Variants in VWA3B observed in about 807,000 individuals in gnomAD.
The protein encoded by VWA3B is von Willebrand factor A domain-containing protein 3B.
A neutral mutation model predicts 158.3 loss-of-function variants in VWA3B; 138 were observed. That is an observed-to-expected ratio of 0.87 (90% CI 0.76 to 1.00). The LOEUF (loss-of-function observed/expected upper bound fraction) is 1.00, where lower values mean the gene tolerates loss of function less well. Ranked by LOEUF, VWA3B falls within the 50% of genes least tolerant of loss-of-function variation. The pLI is 0.00. For missense variants in VWA3B, 1,555 were observed against 1,565.1 expected (o/e 0.99, Z 0.11); for synonymous variants, 596 against 587.3 (o/e 1.01, Z -0.21).
intron 7 of VWA3B, among the ~76,000 whole-genome samples, chr2:98,146,549 C>G (rs1286121671): frequency 6.6e-6 from 1 of 152,176 alleles, no homozygotes; most frequent in Non-Finnish European, 1.5e-5. Flanking sequence ...CATTGAGGTT[C>G]TAGCATCCAG....
intron 21 of VWA3B, among the ~76,000 whole-genome samples, chr2:98,256,576 T>G (rs1364264298): frequency 6.6e-6 from 1 of 152,240 alleles, no homozygotes; most frequent in Non-Finnish European, 1.5e-5. Flanking sequence ...CACGTTTGTC[T>G]GTCCATTCTT....
chr2:98,214,883 A>G (rs1683842928), intron 13 of VWA3B, among the ~76,000 whole-genome samples: 1 of 152,172 alleles, frequency 6.6e-6, no homozygotes, highest in South Asian at 2.1e-4. Flanking sequence ...AATTCTGAGA[A>G]GTGGACTCAG....
chr2:98,267,713 G>A (rs1027093133), intron 21 of VWA3B, among the ~76,000 whole-genome samples: 1 of 151,964 alleles, frequency 6.6e-6, no homozygotes, highest in South Asian at 2.1e-4. Context: ...AGGAAATAGA[G>A]ACACAAAAAA....
chr2:98,212,966 A>G (rs752846866), intron 13 of VWA3B, among the ~76,000 whole-genome samples: 2 of 152,144 alleles, frequency 1.3e-5, no homozygotes, highest in African/African-American at 4.8e-5. Context: ...AATGTGCTAG[A>G]TGTATACAGT....
At chr2:98,177,121 G>A (rs1037944494) in intron 8 of VWA3B, among the ~76,000 whole-genome samples, 3 of 152,186 alleles carry the variant, frequency 2.0e-5, no homozygotes, top group Non-Finnish European at 4.4e-5. Flanking sequence ...AGTGGGCACT[G>A]ATACCTATGC....
intron 12 of VWA3B, among the ~76,000 whole-genome samples, chr2:98,208,209 A>G (rs1401791622): frequency 1.3e-5 from 2 of 151,964 alleles, no homozygotes; most frequent in East Asian, 3.8e-4. Context: ...TATTTGCGTA[A>G]TACGTTTTTT....
chr2:98,279,040 C>T lies in VWA3B; in HGVS notation c.3045+8157C>T, dbSNP rs557503403. ...TGGAAGTGGGACCCCTGATGGGCCTCCAGGGCATGTGGCCAGAGTGAAGCT... is the reference window on the plus strand; with the variant it reads ...TGGAAGTGGGACCCCTGATGGGCCTTCAGGGCATGTGGCCAGAGTGAAGCT... On this transcript the variant is annotated intron_variant, in intron 22 of 27. Coordinates refer to ENST00000477737, the MANE Select transcript of VWA3B (RefSeq NM_144992.5). Among the ~76,000 whole-genome samples the T allele has an allele frequency of 7.1e-4, 108 of 152,214 alleles. 3 individuals carry two copies. In the South Asian group the frequency reaches 0.022, roughly 30 times the overall value.
At chr2:98,201,578 C>T (rs1186611222) in intron 12 of VWA3B, among the ~76,000 whole-genome samples, 1 of 152,180 alleles carries the variant, frequency 6.6e-6, no homozygotes, top group African/African-American at 2.4e-5. Context: ...AGAGGGGAAA[C>T]ATTCAATCTT....
chr2:98,303,278 G>T (rs1190989038), intron 25 of VWA3B, among the ~76,000 whole-genome samples: 2 of 151,836 alleles, frequency 1.3e-5, no homozygotes. Context: ...GTGGAGGTGG[G>T]TGTGGCAGGG....
At chr2:98,275,947 A>G (rs17427573) in intron 22 of VWA3B, among the ~76,000 whole-genome samples, 5,961 of 152,352 alleles carry the variant, frequency 0.039, 169 homozygotes, top group Middle Eastern at 0.075. Flanking sequence ...TGGGAACATC[A>G]GGTGAGCCAG....
chr2:98,143,117 G>GCAAC (rs1342315496), intron 7 of VWA3B, among the ~76,000 whole-genome samples: 2 of 152,154 alleles, frequency 1.3e-5, no homozygotes, highest in Non-Finnish European at 2.9e-5. Context: ...TTGGCTCACT[G>GCAAC]CAACCTCCAT....
intron 12 of VWA3B, among the ~76,000 whole-genome samples, chr2:98,202,114 G>C (rs1463900504): frequency 6.6e-6 from 1 of 152,094 alleles, no homozygotes; most frequent in Non-Finnish European, 1.5e-5. Context: ...CTGTTTGGTA[G>C]AATTTACCAA....
At chr2:98,230,330 ATTT>A in intron 16 of VWA3B, 123 bp downstream of exon 16, 3 of 1,001,500 alleles carry the variant, frequency 3.0e-6, no homozygotes, top group Middle Eastern at 3.4e-4. Context: ...TTAAATTAAA[ATTT>A]TTATTAAAAT....
At chr2:98,139,964 A>G (rs1480540861) in intron 7 of VWA3B, among the ~76,000 whole-genome samples, 2 of 152,144 alleles carry the variant, frequency 1.3e-5, no homozygotes, top group Non-Finnish European at 2.9e-5. Context: ...AAAGGTCTGC[A>G]GCTTCACTCC....
chr2:98,314,897 C>T (rs1418173296), downstream of VWA3B, among the ~76,000 whole-genome samples: 1 of 151,768 alleles, frequency 6.6e-6, no homozygotes, highest in East Asian at 1.9e-4. Flanking sequence ...GTGGCTTGCA[C>T]CTGTAATCCC....
chr2:98,160,699 G>A (rs1382130204), intron 7 of VWA3B, among the ~76,000 whole-genome samples: 1 of 152,222 alleles, frequency 6.6e-6, no homozygotes, highest in African/African-American at 2.4e-5. Context: ...AGTCTGTCTT[G>A]ATTTTACAGC....
At chr2:98,249,904 T>G (rs1281532224) in intron 19 of VWA3B, among the ~76,000 whole-genome samples, 5 of 152,102 alleles carry the variant, frequency 3.3e-5, no homozygotes, top group Admixed American at 6.5e-5. Context: ...GTAAAATAAA[T>G]ATATGAAAAA....
intron 7 of VWA3B, among the ~76,000 whole-genome samples, chr2:98,150,716 T>G (rs939552592): frequency 6.6e-6 from 1 of 152,208 alleles, no homozygotes; most frequent in Non-Finnish European, 1.5e-5. Context: ...GTGTCTGGTT[T>G]CCCCACATTA....
intron 12 of VWA3B, among the ~76,000 whole-genome samples, chr2:98,196,869 A>G (rs1297053357): frequency 6.6e-6 from 1 of 152,240 alleles, no homozygotes; most frequent in African/African-American, 2.4e-5. Flanking sequence ...GACTTACAAA[A>G]AAGTTGCAAA....
Sources: gnomAD v4.1 joint callset for allele counts (sites outside exome capture counted in the v4.1 genomes callset) on GRCh38, gnomAD v4.1.1 for gene constraint, MANE v1.5 for transcripts, NCBI Gene and HGNC (gene_info 2026-07-23, HGNC 2026-07-21) for gene names.